DCDC2C: variants seen among roughly 807,000 people sequenced by gnomAD.
The protein encoded by DCDC2C is doublecortin domain containing 2C.
In DCDC2C, 44 loss-of-function variants were observed where a neutral mutation model predicts 45.0. That is an observed-to-expected ratio of 0.98 (90% CI 0.77 to 1.26). DCDC2C has a LOEUF of 1.26. Ranked by LOEUF, DCDC2C falls within the 50% of genes most tolerant of loss-of-function variation. DCDC2C has a pLI of 0.00. For synonymous variants in DCDC2C, 187 were observed against 178.8 expected, an observed-to-expected ratio of 1.05 and a Z score of -0.37; for missense variants, 447 against 468.9, an observed-to-expected ratio of 0.95 and a Z score of 0.43.
At chr2:3,742,409 C>T (rs1341081140) in intron 4 of DCDC2C, among the ~76,000 whole-genome samples, 2 of 152,084 alleles carry the variant, frequency 1.3e-5, no homozygotes, top group African/African-American at 4.8e-5. Context: ...GGAGCCAGGC[C>T]TGGGGGAGCT....
At chr2:3,725,720 C>G (rs55982634) in intron 2 of DCDC2C, among the ~76,000 whole-genome samples, 49,244 of 100,010 alleles carry the variant, frequency 0.49, 9,141 homozygotes, top group South Asian at 0.67. Flanking sequence ...CAAAGAGTGA[C>G]GAGGCTGGCC....
intron 10 of DCDC2C, among the ~76,000 whole-genome samples, chr2:3,802,460 C>T (rs1481605080): frequency 6.6e-6 from 1 of 152,162 alleles, no homozygotes; most frequent in African/African-American, 2.4e-5. Context: ...CACTTGGGGA[C>T]ACTGAGTATA....
chr2:3,813,963 A>G (rs911533697), intron 10 of DCDC2C, among the ~76,000 whole-genome samples: 3 of 152,066 alleles, frequency 2.0e-5, no homozygotes, highest in African/African-American at 7.2e-5. Flanking sequence ...TCATGATGCT[A>G]GCTGGTTATT....
chr2:3,845,422 T>C (rs979670488), intron 10 of DCDC2C, among the ~76,000 whole-genome samples: 1 of 152,254 alleles, frequency 6.6e-6, no homozygotes, highest in Admixed American at 6.5e-5. Flanking sequence ...GATTCTAGGA[T>C]GGTCCAAGTC....
intron 10 of DCDC2C, among the ~76,000 whole-genome samples, chr2:3,806,690 G>A (rs368116542): frequency 2.6e-4 from 39 of 151,602 alleles, no homozygotes; most frequent in African/African-American, 3.4e-4. Flanking sequence ...TTACAGGCAC[G>A]CACCACCATG....
intron 10 of DCDC2C, among the ~76,000 whole-genome samples, chr2:3,841,108 GC>G (rs1225421719): frequency 2.0e-5 from 3 of 152,182 alleles, no homozygotes; most frequent in Non-Finnish European, 4.4e-5. Context: ...ATCTTTCACT[GC>G]ATTTATTCTT....
chr2:3,759,897 A>G (rs1558213570), intron 6 of DCDC2C, among the ~76,000 whole-genome samples: 2 of 152,190 alleles, frequency 1.3e-5, no homozygotes, highest in Admixed American at 6.5e-5. Flanking sequence ...TTTATGTGTG[A>G]TGACGATTTT....
intron 6 of DCDC2C, among the ~76,000 whole-genome samples, 157 bp from the exon 7 acceptor site, chr2:3,767,597 G>A (rs914956911): frequency 6.6e-6 from 1 of 152,170 alleles, no homozygotes; most frequent in Non-Finnish European, 1.5e-5. Context: ...GAGCAGAAGA[G>A]GTTGCATTCG....
chr2:3,709,922 A>G (rs13024561), intron 2 of DCDC2C, among the ~76,000 whole-genome samples: 70,457 of 152,032 alleles, frequency 0.46, 17,004 homozygotes, highest in African/African-American at 0.58. Flanking sequence ...GACGTGAAAC[A>G]CTGAGCAGGC....
intron 10 of DCDC2C, among the ~76,000 whole-genome samples, chr2:3,827,468 A>G (rs1013597985): frequency 5.3e-5 from 8 of 152,128 alleles, no homozygotes; most frequent in African/African-American, 1.9e-4. Flanking sequence ...GTGGACTGGG[A>G]GAAAAAGGTG....
At chr2:3,718,768 C>T (rs115710833) in intron 2 of DCDC2C, among the ~76,000 whole-genome samples, 95 of 152,248 alleles carry the variant, frequency 6.2e-4, no homozygotes, top group Middle Eastern at 6.8e-3. Context: ...TTTGTCGTCT[C>T]GCTGACTTCA....
At position 3,822,548 on chromosome 2, in the gene DCDC2C, A is replaced by AT. The variant is rs34454006; in HGVS notation, c.1066-24595dup. Among the ~76,000 whole-genome samples the AT allele has an allele frequency of 3.9e-3, 577 of 149,212 alleles. 5 individuals are homozygous for AT. The highest frequency in any genetic ancestry group is 0.013 in the African/African-American group (512 of 40,866). ...AGCTAAAAGTTTGTCAATTTTGCTGATTTTTTTTTTTCCAAAAATCTAGCT... is the reference window on the plus strand; with the variant it reads ...AGCTAAAAGTTTGTCAATTTTGCTGATTTTTTTTTTTTCCAAAAATCTAGCT... On this transcript the variant is annotated intron_variant, in intron 10 of 10. Transcript: ENST00000399143.
At chr2:3,728,908 G>A (rs1009496732) in intron 3 of DCDC2C, among the ~76,000 whole-genome samples, 1 of 152,212 alleles carries the variant, frequency 6.6e-6, no homozygotes, top group Non-Finnish European at 1.5e-5. Context: ...GGATTGAGCT[G>A]GTGGTGAGTG....
chr2:3,709,872 A>G (rs1572548115), intron 2 of DCDC2C, among the ~76,000 whole-genome samples: 1 of 152,202 alleles, frequency 6.6e-6, no homozygotes, highest in African/African-American at 2.4e-5. Context: ...CTATCTTGTC[A>G]AAACTTCTTG....
Position 3,781,923 on chromosome 2 carries a change from C to G in DCDC2C, c.1023+3039C>G, listed in dbSNP as rs142031549. 1.1e-3 allele frequency among the ~76,000 whole-genome samples: 171 copies of G among 152,310 alleles called. 5 individuals are homozygous for G. In the South Asian group the frequency reaches 0.019, roughly 17 times the overall value. On this transcript the variant is annotated intron_variant, in intron 9 of 10. Coordinates refer to ENST00000399143, the MANE Select transcript of DCDC2C (RefSeq NM_001287444.2). ...AGAAAAGATTTCTGATGCTTGATCA[C>G]AAACGTTATTTTTGTGGTAGAATAC...
rs573341632 is a variant in DCDC2C at position 3,771,021 on chromosome 2, C to T, written c.954+1610C>T. Among the ~76,000 whole-genome samples, 222 of 152,326 alleles carry T rather than the reference C, an allele frequency of 1.5e-3. 5 individuals carry two copies. The South Asian group carries it at 0.043, about 30-fold the overall frequency. On this transcript the variant is annotated intron_variant, in intron 8 of 10. Transcript: ENST00000399143. ...GAAGTCTCAGTGAATGGAACTTTCT[C>T]GCTGTCAAGCGGCAATATTAACACA...
chr2:3,776,639 A>T (rs1029446567), intron 8 of DCDC2C, among the ~76,000 whole-genome samples: 1 of 152,182 alleles, frequency 6.6e-6, no homozygotes, highest in Non-Finnish European at 1.5e-5. Context: ...GGCTTTCAGC[A>T]AGGATGAGGG....
Position 3,847,989 on chromosome 2 carries a change from C to A in DCDC2C, c.*806C>A. Among the ~76,000 whole-genome samples, 1 of 152,186 alleles carries A rather than the reference C, an allele frequency of 6.6e-6. No individual in the cohort carries two copies. The highest frequency in any genetic ancestry group is 1.5e-5 in the Non-Finnish European group (1 of 68,042). ...CCTGCAGAACTGTGAGCCAATTAAA[C>A]CTCTTTTCTTCATAAATTACCCAGT... On this transcript the variant is annotated 3_prime_UTR_variant, in exon 11 of 11. Transcript: ENST00000399143.
intron 4 of DCDC2C, among the ~76,000 whole-genome samples, chr2:3,747,652 C>CTCGCAGTAGAAGTGATA (rs1287996952): frequency 1.3e-5 from 2 of 152,262 alleles, no homozygotes; most frequent in African/African-American, 4.8e-5. Flanking sequence ...CCTCGCCCAT[C>CTCGCAGTAGAAGTGATA]TCGCAGTAGA....
Sources: gnomAD v4.1 joint callset for allele counts (sites outside exome capture counted in the v4.1 genomes callset) on GRCh38, gnomAD v4.1.1 for gene constraint, MANE v1.5 for transcripts, NCBI Gene and HGNC (gene_info 2026-07-23, HGNC 2026-07-21) for gene names.